The following PARD3B variants were observed in gnomAD, a reference collection of about 807,000 sequenced individuals.
PARD3B encodes partitioning defective 3 homolog B.
Under a neutral mutation model 130.2 loss-of-function variants are expected in PARD3B, and 103 were observed. That is an observed-to-expected ratio of 0.79 (90% confidence interval 0.67 to 0.93). PARD3B has a LOEUF of 0.93. PARD3B is among the 40% of genes least tolerant of loss of function. The pLI, the probability that PARD3B is intolerant of heterozygous loss-of-function variation, is 0.00. For synonymous variants in PARD3B, 583 were observed against 553.2 expected (o/e 1.05, Z -0.76); for missense variants, 1,609 against 1,499.2 (o/e 1.07, Z -1.21).
At chr2:205,287,000 T>A (rs2041419292) in intron 16 of PARD3B, among the ~76,000 whole-genome samples, 1 of 152,166 alleles carries the variant, frequency 6.6e-6, no homozygotes, top group African/African-American at 2.4e-5. Context: ...AGCAAACCAA[T>A]GTAATAAAAC....
intron 18 of PARD3B, among the ~76,000 whole-genome samples, chr2:205,323,144 C>G: frequency 6.6e-6 from 1 of 151,584 alleles, no homozygotes. Context: ...CTCCTGACCT[C>G]ATGATCTGCC....
intron 21 of PARD3B, among the ~76,000 whole-genome samples, chr2:205,527,072 C>T (rs1335878656): frequency 6.6e-6 from 1 of 152,178 alleles, no homozygotes; most frequent in East Asian, 1.9e-4. Flanking sequence ...GAAGCATCAT[C>T]AGACACAGCA....
At chr2:204,790,842 C>T (rs1331714020) in intron 2 of PARD3B, among the ~76,000 whole-genome samples, 1 of 152,166 alleles carries the variant, frequency 6.6e-6, no homozygotes, top group African/African-American at 2.4e-5. Flanking sequence ...TGGTGGCTCA[C>T]GCCTGTAATA....
intron 5 of PARD3B, among the ~76,000 whole-genome samples, chr2:205,107,436 A>G (rs774808531): frequency 5.9e-5 from 9 of 152,254 alleles, no homozygotes; most frequent in African/African-American, 1.4e-4. Context: ...TATTGTGAAG[A>G]TTAAATGAGA....
chr2:205,537,236 T>C (rs1004421780), intron 21 of PARD3B, among the ~76,000 whole-genome samples: 2 of 152,180 alleles, frequency 1.3e-5, no homozygotes, highest in African/African-American at 2.4e-5. Flanking sequence ...TACTGGGGCA[T>C]AATGAATAGA....
chr2:204,567,030 C>T (rs1282843901), intron 1 of PARD3B, among the ~76,000 whole-genome samples: 1 of 152,066 alleles, frequency 6.6e-6, no homozygotes, highest in Non-Finnish European at 1.5e-5. Flanking sequence ...AGGTGCCCAC[C>T]ACCACGCCCA....
At chr2:204,868,008 T>G (rs2045492374) in intron 2 of PARD3B, among the ~76,000 whole-genome samples, 1 of 152,152 alleles carries the variant, frequency 6.6e-6, no homozygotes, top group Admixed American at 6.5e-5. Flanking sequence ...GAGCAGGGTC[T>G]GAGGGACTGT....
intron 1 of PARD3B, among the ~76,000 whole-genome samples, chr2:204,684,665 A>G (rs2036993272): frequency 6.6e-6 from 1 of 151,988 alleles, no homozygotes; most frequent in African/African-American, 2.4e-5. Context: ...GTTGGCAAAG[A>G]CCTCTGGTTA....
chr2:204,785,048 C>G (rs1442424486), intron 2 of PARD3B, among the ~76,000 whole-genome samples: 1 of 152,102 alleles, frequency 6.6e-6, no homozygotes, highest in Non-Finnish European at 1.5e-5. Context: ...AACCATAAAA[C>G]TCTAATAATC....
At chr2:205,433,930 T>C (rs1291981064) in intron 19 of PARD3B, among the ~76,000 whole-genome samples, 1 of 152,240 alleles carries the variant, frequency 6.6e-6, no homozygotes, top group Non-Finnish European at 1.5e-5. Flanking sequence ...ATTTTATGTC[T>C]AATTTTTGCT....
chr2:205,350,899 AATT>A (rs1427390685), intron 18 of PARD3B, among the ~76,000 whole-genome samples: 2 of 152,188 alleles, frequency 1.3e-5, no homozygotes, highest in African/African-American at 4.8e-5. Flanking sequence ...TCTCGTTTTT[AATT>A]ATTATTAATA....
At chr2:205,380,511 A>T (rs866422883) in intron 18 of PARD3B, among the ~76,000 whole-genome samples, 1 of 39,576 alleles carries the variant, frequency 2.5e-5, no homozygotes, top group Admixed American at 5.0e-4. Context: ...TATTATATAT[A>T]ATATATAAAG....
chr2:205,231,118 T>C (rs1220046420), intron 15 of PARD3B, among the ~76,000 whole-genome samples: 3 of 152,090 alleles, frequency 2.0e-5, no homozygotes, highest in Admixed American at 6.5e-5. Flanking sequence ...ATCACTCACC[T>C]GATTTTTGGT....
rs759571425 is a variant in PARD3B, at chr2:205,325,267, T to C, written c.2630+23566T>C. On this transcript the variant is annotated intron_variant, in intron 18 of 22. Transcript: ENST00000406610. The surrounding 1 kb of genome is among the most constrained non-coding windows in gnomAD (Gnocchi z 4.1). Reference sequence around the variant, plus strand: ...GTTATACAATGTTCAACCTTTATACTTTTATGCTGCCATAGATAAGTACAT... The same window carrying C: ...GTTATACAATGTTCAACCTTTATACCTTTATGCTGCCATAGATAAGTACAT... Among the ~76,000 whole-genome samples the C allele has an allele frequency of 2.0e-5, 3 of 152,206 alleles. No homozygotes were observed. Among genetic ancestry groups the C allele is most frequent in the African/African-American group, 7.2e-5 (3 of 41,452 alleles).
chr2:205,176,301 A>G lies in PARD3B; in HGVS notation c.1792-144A>G, dbSNP rs964044410. The G allele has an allele frequency of 1.4e-6, 1 of 733,790 alleles. No homozygotes were observed. The highest frequency in any genetic ancestry group is 3.8e-5 in the Admixed American group (1 of 26,076). The allele number at this position is 733,790 out of a possible 1,614,324, so 45.5% of individuals were successfully genotyped here. A position where few individuals can be genotyped will look rare whatever the true frequency, so the allele number is the denominator to read the frequency against. Reference sequence around the variant, plus strand: ...CAAAGATGTTTTCACTGATAGGGCCATTTTGAGTTTCCACAGTTGAGGACT... The same window carrying G: ...CAAAGATGTTTTCACTGATAGGGCCGTTTTGAGTTTCCACAGTTGAGGACT... On this transcript the variant is annotated intron_variant, in intron 12 of 22. Coordinates refer to ENST00000406610, the MANE Select transcript of PARD3B (RefSeq NM_001302769.2). The surrounding 1 kb of genome is among the most constrained non-coding windows in gnomAD (Gnocchi z 5.3).
Position 205,047,568 on chromosome 2 carries a change from C to T in PARD3B, c.395-13C>T, listed in dbSNP as rs1394090308. 1 of 1,536,414 alleles carries T rather than the reference C, an allele frequency of 6.5e-7. No homozygotes were observed. Among genetic ancestry groups the T allele is most frequent in the Non-Finnish European group, 8.8e-7 (1 of 1,135,084 alleles). On this transcript the variant is annotated splice_polypyrimidine_tract_variant and intron_variant, in intron 3 of 22. Transcript: ENST00000406610. ...GGTTCTTTTGACCTCTCACCTCTCA[C>T]TTTGTCTTCCAGGCACTCCACTGCT... is the stretch of plus-strand genomic sequence containing the variant.
At chr2:204,912,017 G>C (rs2047257400) in intron 2 of PARD3B, among the ~76,000 whole-genome samples, 1 of 152,046 alleles carries the variant, frequency 6.6e-6, no homozygotes, top group Non-Finnish European at 1.5e-5. Context: ...GTTATTAGCT[G>C]TAATGGAAAA....
At chr2:205,113,699 A>G (rs1009388104) in intron 6 of PARD3B, 122 bp downstream of exon 6, 2 of 646,284 alleles carry the variant, frequency 3.1e-6, no homozygotes, top group Admixed American at 3.3e-5. Context: ...GGATACCTCA[A>G]GACATACTTC....
chr2:204,926,666 T>G (rs1447417489), intron 2 of PARD3B, among the ~76,000 whole-genome samples: 1 of 152,124 alleles, frequency 6.6e-6, no homozygotes, highest in Non-Finnish European at 1.5e-5. Flanking sequence ...CATAGCAGTT[T>G]TGAAGTTTCC....
Sources: allele counts gnomAD v4.1 joint callset (sites outside exome capture counted in the v4.1 genomes callset), GRCh38; gene constraint gnomAD v4.1.1; non-coding constraint Gnocchi (gnomAD v3.1); transcripts MANE v1.5; gene names NCBI Gene and HGNC (gene_info 2026-07-23, HGNC 2026-07-21).